Variants in CCDC127 observed in about 807,000 individuals in gnomAD.
CCDC127 encodes coiled-coil domain-containing protein 127.
A neutral mutation model predicts 4.1 loss-of-function variants in CCDC127; 2 were observed. The ratio of observed to expected loss-of-function variants is 0.49; its 90% CI spans 0.20 to 1.53. The LOEUF (loss-of-function observed/expected upper bound fraction) is 1.53, where lower values mean the gene tolerates loss of function less well. Among genes scored for constraint, CCDC127 ranks in the 40% most tolerant of loss-of-function variants. CCDC127 has a pLI of 0.23. For missense variants in CCDC127, 271 were observed against 322.9 expected (o/e 0.84, Z 1.23); for synonymous variants, 98 against 120.4 (o/e 0.81, Z 1.22).
Position 200,152 on chromosome 5 carries a change from G to T in CCDC127, c.*5145C>A, listed in dbSNP as rs2126498582. The T allele has an allele frequency of 6.6e-6, 1 of 152,360 alleles. No homozygotes were observed. Among genetic ancestry groups the T allele is most frequent in the East Asian group, 1.9e-4 (1 of 5,192 alleles). 9.4% of individuals were successfully genotyped at this position (152,360 alleles called of 1,614,324 possible). ...GCAGAGCCACATTCAGGCTCATCTGGTCCCGCTACCCGACAGCAAGACCCT... is the reference window on the plus strand; with the variant it reads ...GCAGAGCCACATTCAGGCTCATCTGTTCCCGCTACCCGACAGCAAGACCCT... On this transcript the variant is annotated 3_prime_UTR_variant, in exon 3 of 3. Coordinates refer to ENST00000296824, the MANE Select transcript of CCDC127 (RefSeq NM_145265.3).
At chr5:218,024 C>G in intron 1 of CCDC127, 69 bp downstream of exon 1, 1 of 958,842 alleles carries the variant, frequency 1.0e-6, no homozygotes, top group African/African-American at 1.7e-5. Context: ...TGGGCGATCC[C>G]GGAGAACCAC....
chr5:218,150 C>T lies in CCDC127; in HGVS notation c.-68G>A, dbSNP rs888807433. ...CTTAACGCCACCGTCCGCGGGTCCG[C>T]TTTGCGCAGGCGCGGCGCCCCCACT... On this transcript the variant is annotated 5_prime_UTR_variant, in exon 1 of 3. Transcript: ENST00000296824. 4.8e-6 allele frequency: 6 copies of T among 1,245,530 alleles called. No homozygotes were observed. The African/African-American group carries it at 9.4e-5, about 19-fold the overall frequency. 77.2% of individuals were successfully genotyped at this position (1,245,530 alleles called of 1,614,324 possible).
intron 2 of CCDC127, among the ~76,000 whole-genome samples, chr5:208,178 C>G (rs1297184425): frequency 6.6e-6 from 1 of 152,164 alleles, no homozygotes; most frequent in Non-Finnish European, 1.5e-5. Flanking sequence ...TATTCTTCTT[C>G]TAAGTAAACT....
intron 2 of CCDC127, among the ~76,000 whole-genome samples, chr5:210,201 T>C (rs1230208310): frequency 6.6e-6 from 1 of 152,332 alleles, no homozygotes; most frequent in Non-Finnish European, 1.5e-5. Flanking sequence ...ACTAAAACTT[T>C]AGGAAGAAAA....
chr5:206,118 C>T (rs1300619365), intron 2 of CCDC127, among the ~76,000 whole-genome samples, 160 bp from the exon 3 acceptor site: 1 of 147,054 alleles, frequency 6.8e-6, no homozygotes, highest in African/African-American at 2.6e-5. Flanking sequence ...GTGTAACAGG[C>T]CAAGTTCTTA....
rs542911119 is a variant in CCDC127, at chr5:197,025, C to G, written c.*8272G>C. ...AGCAGGGTGATAATAAGGAGGAGGT[C>G]AGCAAAAACGTGTGAGCAAAAGAAT... On this transcript the variant is annotated 3_prime_UTR_variant, in exon 3 of 3. Coordinates refer to ENST00000296824, the MANE Select transcript of CCDC127 (RefSeq NM_145265.3). 2 of 149,152 alleles carry G rather than the reference C, an allele frequency of 1.3e-5. No homozygotes were observed. The highest frequency in any genetic ancestry group is 2.9e-5 in the Non-Finnish European group (2 of 67,908). 9.2% of individuals were successfully genotyped at this position (149,152 alleles called of 1,614,324 possible).
chr5:205,790 T>C lies in CCDC127; in HGVS notation c.290A>G (p.Asn97Ser), dbSNP rs1734160117. The change falls in exon 3 of 3, where the codon AAC (asparagine) becomes AGC (serine). Residue 97 changes from asparagine to serine, a missense_variant. Around this residue, in one of 2 missense-constraint regions of CCDC127, gnomAD observed 265 missense variants for 270.9 expected, o/e 0.98. Transcript: ENST00000296824. ...GGCTTCTCGGTAACTAGCAGTTCTG[T>C]TTTGTTCCTTTTCGAGTTCCAAGGA... ...QLSLELEKEQNRTASYREALI... is the reference protein window; with the variant it reads ...QLSLELEKEQSRTASYREALI... The C allele has an allele frequency of 6.2e-7, 1 of 1,614,178 alleles. No homozygotes were observed. Among genetic ancestry groups the C allele is most frequent in the African/African-American group, 1.3e-5 (1 of 75,036 alleles).
chr5:206,146 G>C (rs1005640199), intron 2 of CCDC127, among the ~76,000 whole-genome samples, 188 bp from the exon 3 acceptor site: 1 of 150,276 alleles, frequency 6.7e-6, no homozygotes, highest in Non-Finnish European at 1.5e-5. Flanking sequence ...ACCAGGTAAG[G>C]GCTGGGTGAC....
At position 204,887 on chromosome 5, in the gene CCDC127, A is replaced by T. The variant is rs1448463420; in HGVS notation, c.*410T>A. On this transcript the variant is annotated 3_prime_UTR_variant, in exon 3 of 3. Transcript: ENST00000296824. Reference sequence around the variant, plus strand: ...ACATTATCTGACAAATTCTTAATGTAATCTGGTGACAGAGAAAAATAATTT... The same window carrying T: ...ACATTATCTGACAAATTCTTAATGTTATCTGGTGACAGAGAAAAATAATTT... 1 of 157,792 alleles carries T rather than the reference A, an allele frequency of 6.3e-6. No individual in the cohort carries two copies. Among genetic ancestry groups the T allele is most frequent in the African/African-American group, 2.4e-5 (1 of 41,662 alleles). 9.8% of individuals were successfully genotyped at this position (157,792 alleles called of 1,614,324 possible).
Position 200,679 on chromosome 5 carries a change from CCATCTCTGCTGCTTG to C in CCDC127, c.*4603_*4617del, listed in dbSNP as rs1433580811. On this transcript the variant is annotated 3_prime_UTR_variant, in exon 3 of 3. Coordinates refer to ENST00000296824, the MANE Select transcript of CCDC127 (RefSeq NM_145265.3). ...TTTAACTTTCTAGGCTAGCACAAAT[CCATCTCTGCTGCTTG>C]CAAACAGAATCCTAAATTAATAGAG... The C allele has an allele frequency of 6.6e-6, 1 of 152,280 alleles. No homozygotes were observed. The highest frequency in any genetic ancestry group is 2.4e-5 in the African/African-American group (1 of 41,464). 9.4% of individuals were successfully genotyped at this position (152,280 alleles called of 1,614,324 possible). A position where few individuals can be genotyped will look rare whatever the true frequency, so the allele number is the denominator to read the frequency against.
chr5:217,210 G>A, intron 1 of CCDC127: 1 of 206,284 alleles, frequency 4.8e-6, no homozygotes, highest in South Asian at 7.6e-5. Flanking sequence ...GTTGGGGAAA[G>A]TGGAGAAAAC....
In CCDC127 at chr5:198,292, T is replaced by G. The variant is rs1338205096; in HGVS notation, c.*7005A>C. 6.6e-6 allele frequency: 1 copy of G among 152,318 alleles called. No homozygotes were observed. The highest frequency in any genetic ancestry group is 6.5e-5 in the Admixed American group (1 of 15,290). The allele number at this position is 152,318 out of a possible 1,614,324, so 9.4% of individuals were successfully genotyped here. A position where few individuals can be genotyped will look rare whatever the true frequency, so the allele number is the denominator to read the frequency against. The stretch of plus-strand genomic sequence containing the variant: ...TTGTCCAGGGACATGAATTTGATAT[T>G]GCGGCCAGCTTTTGGAAACAGGCAG... On this transcript the variant is annotated 3_prime_UTR_variant, in exon 3 of 3. Coordinates refer to ENST00000296824, the MANE Select transcript of CCDC127 (RefSeq NM_145265.3).
chr5:206,897 G>A (rs1295546173), intron 2 of CCDC127, among the ~76,000 whole-genome samples: 2 of 152,138 alleles, frequency 1.3e-5, no homozygotes, highest in African/African-American at 4.8e-5. Context: ...AAGCCACTGA[G>A]AGCAGCAGTC....
At chr5:212,269 G>A (rs368547069) in intron 2 of CCDC127, among the ~76,000 whole-genome samples, 7 of 37,172 alleles carry the variant, frequency 1.9e-4, no homozygotes, top group East Asian at 6.4e-4. Context: ...GTGTGAGCAC[G>A]CTGATGCTCG....
Position 198,351 on chromosome 5 carries a change from C to T in CCDC127, c.*6946G>A, listed in dbSNP as rs1197816752. 6.6e-6 allele frequency: 1 copy of T among 152,250 alleles called. No homozygotes were observed. Among genetic ancestry groups the T allele is most frequent in the Non-Finnish European group, 1.5e-5 (1 of 68,050 alleles). 9.4% of individuals were successfully genotyped at this position (152,250 alleles called of 1,614,324 possible). A position where few individuals can be genotyped will look rare whatever the true frequency, so the allele number is the denominator to read the frequency against. ...CTGGGCCAACATTTTTAATGACTTA[C>T]TTCTAACTCTAAAGCACAGAGTGGC... On this transcript the variant is annotated 3_prime_UTR_variant, in exon 3 of 3. Coordinates refer to ENST00000296824, the MANE Select transcript of CCDC127 (RefSeq NM_145265.3).
At position 205,499 on chromosome 5, in the gene CCDC127, G is replaced by A. The variant is rs1280837003; in HGVS notation, c.581C>T (p.Ala194Val). ...GTCAGCGGCGACGGGGTCGACGGAC[G>A]CTCGCACCAGTAAGCTCTTCTCTAT... ...LEIEKSLLVRASVDPVAADLE... is the reference protein window; with the variant it reads ...LEIEKSLLVRVSVDPVAADLE... Residue 194 changes from alanine to valine, a missense_variant, in exon 3 of 3, where the codon GCG becomes GTG. Around this residue, in one of 2 missense-constraint regions of CCDC127, gnomAD observed 265 missense variants for 270.9 expected, o/e 0.98. Coordinates refer to ENST00000296824, the MANE Select transcript of CCDC127 (RefSeq NM_145265.3). 9 of 1,613,786 alleles carry A rather than the reference G, an allele frequency of 5.6e-6. No individual in the cohort carries two copies. Among genetic ancestry groups the A allele is most frequent in the South Asian group, 4.4e-5 (4 of 91,084 alleles).
chr5:208,453 G>A (rs755122092), intron 2 of CCDC127, among the ~76,000 whole-genome samples: 2 of 152,224 alleles, frequency 1.3e-5, no homozygotes, highest in Admixed American at 6.5e-5. Flanking sequence ...AAAATGTTCC[G>A]ACAGTAATCA....
rs1057078267 is a variant in CCDC127, at chr5:200,717, G to C, written c.*4580C>G. On this transcript the variant is annotated 3_prime_UTR_variant, in exon 3 of 3. Coordinates refer to ENST00000296824, the MANE Select transcript of CCDC127 (RefSeq NM_145265.3). ...TTGCAAACAGAATCCTAAATTAATA[G>C]AGAAATACAGCAACTGTTTCGTCAA... 1 of 152,314 alleles carries C rather than the reference G, an allele frequency of 6.6e-6. No homozygotes were observed. The highest frequency in any genetic ancestry group is 1.9e-4 in the East Asian group (1 of 5,188). 9.4% of individuals were successfully genotyped at this position (152,314 alleles called of 1,614,324 possible). A position where few individuals can be genotyped will look rare whatever the true frequency, so the allele number is the denominator to read the frequency against.
intron 2 of CCDC127, among the ~76,000 whole-genome samples, chr5:211,318 A>G (rs1734282735): frequency 1.4e-5 from 1 of 69,420 alleles, no homozygotes. Context: ...TGCAGCCACG[A>G]CGAGACAGCA....
Sources: gnomAD v4.1 joint callset for allele counts (sites outside exome capture counted in the v4.1 genomes callset) on GRCh38, gnomAD v4.1.1 for gene constraint, gnomAD v4.1.1 regional missense constraint, MANE v1.5 for transcripts, NCBI Gene and HGNC (gene_info 2026-07-23, HGNC 2026-07-21) for gene names.